ZC3H3: variants seen among roughly 807,000 people sequenced by gnomAD.
The protein encoded by ZC3H3 is zinc finger CCCH-type containing 3.
A neutral mutation model predicts 77.3 loss-of-function variants in ZC3H3; 36 were observed. The observed-to-expected ratio is 0.47, with a 90% CI of 0.36 to 0.61. The LOEUF (loss-of-function observed/expected upper bound fraction) is 0.61, where lower values mean the gene tolerates loss of function less well. Ranked by LOEUF, ZC3H3 falls within the 20% of genes least tolerant of loss-of-function variation. The pLI is 0.00. For missense variants in ZC3H3, 1,331 were observed against 1,312.2 expected, an observed-to-expected ratio of 1.01 and a Z score of -0.22; for synonymous variants, 626 against 555.2, an observed-to-expected ratio of 1.13 and a Z score of -1.79.
At position 143,539,122 on chromosome 8, in the gene ZC3H3, C is replaced by G; in HGVS notation, c.245G>C (p.Gly82Ala). 2 of 1,612,974 alleles carry G rather than the reference C, an allele frequency of 1.2e-6. No homozygotes were observed. The highest frequency in any genetic ancestry group is 1.7e-6 in the Non-Finnish European group (2 of 1,180,018). ...KKYSLVNRPP[G>A]PSDPPADHAV... ...ATGGTCGGCAGGAGGGTCTGAGGGT[C>G]CCGGGGGCCGATTCACGAGGGAGTA... The change falls in exon 2 of 12, where the codon GGA becomes GCA. Residue 82 changes from glycine to alanine, a missense_variant. By Grantham distance (60) the Gly-to-Ala change is moderately conservative. Coordinates refer to ENST00000262577, the MANE Select transcript of ZC3H3 (RefSeq NM_015117.3).
intron 9 of ZC3H3, among the ~76,000 whole-genome samples, chr8:143,442,240 C>T (rs1424758570): frequency 6.6e-6 from 1 of 152,142 alleles, no homozygotes; most frequent in Non-Finnish European, 1.5e-5. Flanking sequence ...AGGCTCAGGC[C>T]AGTGCTTGCA....
intron 3 of ZC3H3, among the ~76,000 whole-genome samples, chr8:143,531,284 C>G (rs1232035423): frequency 6.6e-6 from 1 of 152,164 alleles, no homozygotes; most frequent in African/African-American, 2.4e-5. Context: ...CATCCCCCAG[C>G]TGCCAACAGA....
intron 11 of ZC3H3, among the ~76,000 whole-genome samples, chr8:143,439,199 G>A (rs1586865630): frequency 6.6e-6 from 1 of 152,248 alleles, no homozygotes; most frequent in East Asian, 1.9e-4. Flanking sequence ...CGGGTGCCCA[G>A]GTCTCGTGGG....
In ZC3H3 at chr8:143,530,371, G is replaced by A. The variant is rs376401141; in HGVS notation, c.1561+5886C>T. ...TCCACCATCCTGGGTGGGTGAAGCAGAGAGGGCCCTCCCACTCCAGCAGAT... is the reference window on the plus strand; with the variant it reads ...TCCACCATCCTGGGTGGGTGAAGCAAAGAGGGCCCTCCCACTCCAGCAGAT... On this transcript the variant is annotated intron_variant, in intron 3 of 11. Transcript: ENST00000262577. This position sits in a 1 kb window ranked among gnomAD's most constrained non-coding sequence, Gnocchi z 4.3. Among the ~76,000 whole-genome samples the A allele has an allele frequency of 6.6e-6, 1 of 152,312 alleles. No individual in the cohort carries two copies.
chr8:143,501,305 A>G (rs555264803), intron 4 of ZC3H3, among the ~76,000 whole-genome samples: 1 of 152,150 alleles, frequency 6.6e-6, no homozygotes, highest in Admixed American at 6.5e-5. Context: ...GGTTCAAGTG[A>G]TCCTCCTGCC....
At position 143,530,392 on chromosome 8, in the gene ZC3H3, C is replaced by A. The variant is rs1822564408; in HGVS notation, c.1561+5865G>T. Among the ~76,000 whole-genome samples the A allele has an allele frequency of 6.6e-6, 1 of 152,182 alleles. No individual in the cohort carries two copies. ...AGCAGAGAGGGCCCTCCCACTCCAGCAGATGACGACACCACTGCCTACCCA... is the reference window on the plus strand; with the variant it reads ...AGCAGAGAGGGCCCTCCCACTCCAGAAGATGACGACACCACTGCCTACCCA... On this transcript the variant is annotated intron_variant, in intron 3 of 11. Coordinates refer to ENST00000262577, the MANE Select transcript of ZC3H3 (RefSeq NM_015117.3). This position sits in a 1 kb window ranked among gnomAD's most constrained non-coding sequence, Gnocchi z 4.3.
intron 1 of ZC3H3, among the ~76,000 whole-genome samples, chr8:143,539,877 C>T (rs763611161): frequency 1.3e-5 from 2 of 152,246 alleles, no homozygotes; most frequent in African/African-American, 2.4e-5. Flanking sequence ...GAGGAAACAT[C>T]AATGGGCTAG....
At chr8:143,535,675 C>A (rs1049227474) in intron 3 of ZC3H3, among the ~76,000 whole-genome samples, 2 of 152,268 alleles carry the variant, frequency 1.3e-5, no homozygotes, top group African/African-American at 4.8e-5. Context: ...CTACGCCCCA[C>A]AATCTGCAGG....
In ZC3H3 at chr8:143,494,012, C is replaced by T. The variant is rs900991277; in HGVS notation, c.1715+13734G>A. On this transcript the variant is annotated intron_variant, in intron 4 of 11. Transcript: ENST00000262577. The surrounding 1 kb of genome is among the most constrained non-coding windows in gnomAD (Gnocchi z 5.3). The stretch of plus-strand genomic sequence containing the variant: ...TTTACAGCACTTGGGGAGCCGTAAC[C>T]GCCTGTTCCCATAAAATAAAACTCT... Among the ~76,000 whole-genome samples the T allele has an allele frequency of 3.1e-4, 47 of 152,154 alleles. 1 individual carries two copies. The highest frequency in any genetic ancestry group is 1.1e-3 in the African/African-American group (44 of 41,428).
intron 4 of ZC3H3, among the ~76,000 whole-genome samples, chr8:143,486,172 T>C (rs370422656): frequency 5.9e-5 from 9 of 152,202 alleles, no homozygotes; most frequent in African/African-American, 1.2e-4. Flanking sequence ...TGGACACACA[T>C]GGCGTATCCA....
At chr8:143,526,656 CCACTTACGGG>C (rs1482822105) in intron 3 of ZC3H3, among the ~76,000 whole-genome samples, 3 of 152,276 alleles carry the variant, frequency 2.0e-5, no homozygotes, top group Admixed American at 2.0e-4. Flanking sequence ...CTGGCAGGGG[CCACTTACGGG>C]CAGCAGATGG....
chr8:143,453,134 G>C (rs1390466868), intron 9 of ZC3H3, among the ~76,000 whole-genome samples: 2 of 152,204 alleles, frequency 1.3e-5, no homozygotes, highest in African/African-American at 4.8e-5. Context: ...CTCTTGCCTA[G>C]TGGTACAATC....
chr8:143,486,631 G>C (rs1052193365), intron 4 of ZC3H3, among the ~76,000 whole-genome samples: 2 of 152,132 alleles, frequency 1.3e-5, no homozygotes, highest in Non-Finnish European at 2.9e-5. Flanking sequence ...ATGAACAAAA[G>C]AAGTCAGACA....
chr8:143,537,255 T>TCTGCCTGG (rs1458813572), intron 2 of ZC3H3, among the ~76,000 whole-genome samples: 1 of 152,194 alleles, frequency 6.6e-6, no homozygotes, highest in Non-Finnish European at 1.5e-5. Context: ...AGTGAGTGAC[T>TCTGCCTGG]CTGCCTGGCT....
Position 143,503,154 on chromosome 8 carries a change from G to A in ZC3H3, c.1715+4592C>T, listed in dbSNP as rs375255798. On this transcript the variant is annotated intron_variant, in intron 4 of 11. Transcript: ENST00000262577. ...GCATGCCCCCGTCAGCTGTTGCCCC[G>A]CCCCAAGCAGCCACATGGCCGGGCA... Among the ~76,000 whole-genome samples the A allele has an allele frequency of 8.5e-4, 129 of 152,308 alleles. 1 individual carries two copies. The East Asian group carries it at 0.019, about 22-fold the overall frequency.
At chr8:143,521,717 C>G (rs1054557291) in intron 3 of ZC3H3, among the ~76,000 whole-genome samples, 7 of 152,222 alleles carry the variant, frequency 4.6e-5, no homozygotes, top group African/African-American at 1.2e-4. Context: ...AGCCCCTCCC[C>G]CACCAGTGCA....
At chr8:143,500,170 G>A (rs1199167832) in intron 4 of ZC3H3, among the ~76,000 whole-genome samples, 2 of 152,212 alleles carry the variant, frequency 1.3e-5, no homozygotes, top group African/African-American at 2.4e-5. Context: ...CAGCACATCC[G>A]GCAGCAGCCA....
At chr8:143,510,450 C>G (rs1425516756) in intron 3 of ZC3H3, among the ~76,000 whole-genome samples, 2 of 152,248 alleles carry the variant, frequency 1.3e-5, no homozygotes, top group Admixed American at 6.5e-5. Flanking sequence ...CCAGGATGAG[C>G]AGGGCACAGC....
Position 143,538,578 on chromosome 8 carries a change from C to G in ZC3H3, c.789G>C (p.Arg263Ser), listed in dbSNP as rs1414581913. 6.2e-7 allele frequency: 1 copy of G among 1,610,932 alleles called. No individual in the cohort carries two copies. Reference sequence around the variant, plus strand: ...GATCTGTGTGGCCAGCATCTACTCTCCTGTCCCCAAGGAGCTGTGGAGCAC... The same window carrying G: ...GATCTGTGTGGCCAGCATCTACTCTGCTGTCCCCAAGGAGCTGTGGAGCAC... ...ASCAPQLLGD[R>S]RVDAGHTDQP... The change falls in exon 2 of 12, where the codon AGG becomes AGC. Residue 263 changes from arginine to serine, a missense_variant. This residue lies in a region of ZC3H3 where 978 missense variants were observed against 915.5 expected (regional missense o/e 1.07). Transcript: ENST00000262577.
Sources: gnomAD v4.1 joint callset for allele counts (sites outside exome capture counted in the v4.1 genomes callset) on GRCh38, gnomAD v4.1.1 for gene constraint, gnomAD v4.1.1 regional missense constraint, Gnocchi (gnomAD v3.1) non-coding constraint, MANE v1.5 for transcripts, NCBI Gene and HGNC (gene_info 2026-07-23, HGNC 2026-07-21) for gene names.